Variants in LRRC4C observed in about 807,000 individuals in gnomAD.
The protein encoded by LRRC4C is leucine rich repeat containing 4C.
A neutral mutation model predicts 33.6 loss-of-function variants in LRRC4C; 5 were observed. That is an observed-to-expected ratio of 0.15 (90% CI 0.08 to 0.31). LRRC4C has a LOEUF of 0.31. Ranked by LOEUF, LRRC4C falls within the 10% of genes least tolerant of loss-of-function variation. LRRC4C has a pLI of 1.00. For synonymous variants in LRRC4C, 329 were observed against 302.0 expected (o/e 1.09, Z -0.93); for missense variants, 560 against 796.7 (o/e 0.70, Z 3.58).
intron 1 of LRRC4C, among the ~76,000 whole-genome samples, chr11:41,325,578 TGTGTGTGTGTG>T (rs1202285562): frequency 7.9e-5 from 5 of 63,418 alleles, no homozygotes; most frequent in East Asian, 8.6e-4. Context: ...TTTTTTTTTT[TGTGTGTGTGTG>T]TGTGTGTGTG....
At chr11:40,418,769 A>G (rs1332083814) in intron 3 of LRRC4C, among the ~76,000 whole-genome samples, 1 of 152,232 alleles carries the variant, frequency 6.6e-6, no homozygotes, top group Non-Finnish European at 1.5e-5. Flanking sequence ...ACCATTGAAT[A>G]CTATGCAGCC....
intron 3 of LRRC4C, among the ~76,000 whole-genome samples, chr11:40,321,202 A>G (rs1945831249): frequency 6.6e-6 from 1 of 152,170 alleles, no homozygotes; most frequent in South Asian, 2.1e-4. Context: ...TTCCCCTCAC[A>G]TATCTTCCAG....
intron 5 of LRRC4C, among the ~76,000 whole-genome samples, chr11:40,144,245 T>G (rs921910862): frequency 1.3e-5 from 2 of 152,186 alleles, no homozygotes; most frequent in Non-Finnish European, 2.9e-5. Flanking sequence ...GATAATTATC[T>G]GAGAGTTAAT....
At chr11:40,155,432 G>C (rs1858605036) in intron 5 of LRRC4C, among the ~76,000 whole-genome samples, 1 of 151,968 alleles carries the variant, frequency 6.6e-6, no homozygotes, top group Non-Finnish European at 1.5e-5. Context: ...TCTTTGAAAA[G>C]ATACATAAAA....
chr11:40,446,077 T>C (rs375076502), intron 3 of LRRC4C: 4 of 152,216 alleles, frequency 2.6e-5, no homozygotes, highest in Admixed American at 2.6e-4. Context: ...CTTACATATC[T>C]CTTGGGACAT....
intron 1 of LRRC4C, among the ~76,000 whole-genome samples, chr11:41,325,494 A>G (rs1306409324): frequency 6.6e-6 from 1 of 150,952 alleles, no homozygotes; most frequent in Non-Finnish European, 1.5e-5. Flanking sequence ...TTATTATCCT[A>G]TGGAATAGGG....
intron 1 of LRRC4C, among the ~76,000 whole-genome samples, chr11:40,991,398 T>G (rs1853551676): frequency 6.6e-6 from 1 of 152,116 alleles, no homozygotes; most frequent in African/African-American, 2.4e-5. Flanking sequence ...GGCTAATGCC[T>G]TATAATGTAA....
At chr11:40,379,941 G>T (rs916579690) in intron 3 of LRRC4C, among the ~76,000 whole-genome samples, 1 of 152,116 alleles carries the variant, frequency 6.6e-6, no homozygotes, top group Admixed American at 6.5e-5. Context: ...GTGTTTTAAT[G>T]AGTCCTGTGG....
intron 1 of LRRC4C, among the ~76,000 whole-genome samples, chr11:41,011,786 T>A (rs779452052): frequency 1.7e-3 from 148 of 87,546 alleles, no homozygotes; most frequent in Non-Finnish European, 2.9e-3. Context: ...AATCTCTAGT[T>A]TGCACTTAAA....
intron 3 of LRRC4C, among the ~76,000 whole-genome samples, chr11:40,375,155 C>T (rs1948606744): frequency 6.6e-6 from 1 of 152,134 alleles, no homozygotes; most frequent in South Asian, 2.1e-4. Flanking sequence ...GCTCTGTAGT[C>T]AGCCACTGTA....
chr11:40,145,364 C>T (rs1040435781), intron 5 of LRRC4C, among the ~76,000 whole-genome samples: 1 of 152,006 alleles, frequency 6.6e-6, no homozygotes, highest in African/African-American at 2.4e-5. Context: ...GCCCAGTTGG[C>T]CAATCAAATT....
chr11:41,125,395 A>G (rs1942686415), intron 1 of LRRC4C, among the ~76,000 whole-genome samples: 1 of 152,218 alleles, frequency 6.6e-6, no homozygotes, highest in African/African-American at 2.4e-5. Context: ...AGATTTTCCA[A>G]CTTTAGCTTC....
chr11:40,665,904 GA>G (rs1196431340), intron 2 of LRRC4C, among the ~76,000 whole-genome samples: 3 of 151,904 alleles, frequency 2.0e-5, no homozygotes, highest in African/African-American at 7.3e-5. Flanking sequence ...ATATATGGCA[GA>G]AAATGTTATT....
chr11:41,375,749 C>A (rs775145106), intron 1 of LRRC4C, among the ~76,000 whole-genome samples: 6 of 152,066 alleles, frequency 3.9e-5, no homozygotes, highest in South Asian at 2.1e-4. Context: ...AATAGAAACT[C>A]ATTTTGCCTG....
In LRRC4C at chr11:41,002,203, A is replaced by G. The variant is rs113218668; in HGVS notation, c.-495-68480T>C. Among the ~76,000 whole-genome samples the G allele has an allele frequency of 3.6e-3, 542 of 152,310 alleles. 4 individuals carry two copies. Among genetic ancestry groups the G allele is most frequent in the African/African-American group, 0.012 (519 of 41,578 alleles). On this transcript the variant is annotated intron_variant, in intron 1 of 6. Coordinates refer to ENST00000528697, the MANE Select transcript of LRRC4C (RefSeq NM_001258419.2). ...AGTAACAGACCTCTGATGGAGTCTC[A>G]TGGAGTAAAGAGGACTATGCATGTA...
intron 2 of LRRC4C, among the ~76,000 whole-genome samples, chr11:40,916,563 GGGA>G (rs1435296920): frequency 6.6e-6 from 1 of 152,034 alleles, no homozygotes; most frequent in Non-Finnish European, 1.5e-5. Context: ...GGTGGGAGGT[GGGA>G]GGGATAGCAT....
chr11:40,698,067 C>CAAA (rs10713512), intron 2 of LRRC4C, among the ~76,000 whole-genome samples: 4 of 105,266 alleles, frequency 3.8e-5, no homozygotes, highest in Admixed American at 1.1e-4. Flanking sequence ...GACTCTGTCT[C>CAAA]AAAAAAAAAA....
chr11:41,298,465 C>A (rs1168996689), intron 1 of LRRC4C, among the ~76,000 whole-genome samples: 1 of 151,712 alleles, frequency 6.6e-6, no homozygotes, highest in East Asian at 1.9e-4. Context: ...TAAACGCAGT[C>A]ATTATTGAAT....
At chr11:41,136,591 T>C (rs1223899772) in intron 1 of LRRC4C, among the ~76,000 whole-genome samples, 1 of 152,182 alleles carries the variant, frequency 6.6e-6, no homozygotes, top group East Asian at 1.9e-4. Flanking sequence ...TATTCAAATT[T>C]AGAGACTAAA....
Sources: gnomAD v4.1 joint callset for allele counts (sites outside exome capture counted in the v4.1 genomes callset) on GRCh38, gnomAD v4.1.1 for gene constraint, MANE v1.5 for transcripts, NCBI Gene and HGNC (gene_info 2026-07-23, HGNC 2026-07-21) for gene names.